The following PTPRD variants were observed in gnomAD, a reference collection of about 807,000 sequenced individuals.
PTPRD encodes the protein receptor-type tyrosine-protein phosphatase delta.
Under a neutral mutation model 214.5 loss-of-function variants are expected in PTPRD, and 34 were observed. That is an observed-to-expected ratio of 0.16 (90% confidence interval 0.12 to 0.21). PTPRD has a LOEUF of 0.21. Among genes scored for constraint, PTPRD ranks in the 10% least tolerant of loss-of-function variants. PTPRD has a pLI of 1.00. For synonymous variants in PTPRD, 1,128 were observed against 845.7 expected (o/e 1.33, Z -5.79); for missense variants, 2,545 against 2,398.7 (o/e 1.06, Z -1.27).
chr9:9,349,861 C>A (rs917488532), intron 9 of PTPRD, among the ~76,000 whole-genome samples: 1 of 151,940 alleles, frequency 6.6e-6, no homozygotes, highest in Non-Finnish European at 1.5e-5. Flanking sequence ...TATCCAGAAC[C>A]CTAGTCCATT....
At chr9:9,121,187 G>C (rs911716282) in intron 10 of PTPRD, among the ~76,000 whole-genome samples, 3 of 152,144 alleles carry the variant, frequency 2.0e-5, no homozygotes, top group African/African-American at 7.2e-5. Context: ...TTATGGAAAT[G>C]TGACAAAAAG....
At chr9:9,646,302 G>GGTGTGTGTGTGTGTGGGTGTGTGTGT (rs1463059977) in intron 7 of PTPRD, among the ~76,000 whole-genome samples, 21 of 142,400 alleles carry the variant, frequency 1.5e-4, no homozygotes, top group Admixed American at 8.3e-4. Flanking sequence ...TTTTGGGAGG[G>GGTGTGTGTGTGTGTGGGTGTGTGTGT]GTGTGTGTGT....
rs536584705 is a variant in PTPRD, at chr9:8,937,417, C to T, written c.-104+81280G>A. Among the ~76,000 whole-genome samples the T allele has an allele frequency of 4.2e-3, 644 of 152,230 alleles. 6 individuals are homozygous for T. The highest frequency in any genetic ancestry group is 4.2e-3 in the Non-Finnish European group (283 of 68,012). On this transcript the variant is annotated intron_variant, in intron 11 of 45. Coordinates refer to ENST00000381196, the MANE Select transcript of PTPRD (RefSeq NM_002839.4). ...AAGCAGAGATTAGGGTTTCAAATTA[C>T]CTATAATCTGCATTCATAAGTGCTC... is the stretch of plus-strand genomic sequence containing the variant.
chr9:9,908,124 GA>G (rs2078125531), intron 5 of PTPRD, among the ~76,000 whole-genome samples: 2 of 150,662 alleles, frequency 1.3e-5, no homozygotes, highest in East Asian at 1.9e-4. Flanking sequence ...AAAATTAACA[GA>G]AAAAAAAGTA....
intron 3 of PTPRD, among the ~76,000 whole-genome samples, chr9:10,220,034 A>G (rs2099560755): frequency 6.6e-6 from 1 of 151,900 alleles, no homozygotes; most frequent in African/African-American, 2.4e-5. Flanking sequence ...AGGTTTACAC[A>G]CACAGAATAA....
intron 10 of PTPRD, among the ~76,000 whole-genome samples, chr9:9,151,622 G>A (rs1437504334): frequency 3.3e-5 from 5 of 152,148 alleles, no homozygotes; most frequent in Admixed American, 2.6e-4. Flanking sequence ...TTTTCTTTGA[G>A]AAACCCATCT....
chr9:10,210,092 C>G (rs1423660920), intron 3 of PTPRD, among the ~76,000 whole-genome samples: 2 of 152,016 alleles, frequency 1.3e-5, no homozygotes, highest in Non-Finnish European at 2.9e-5. Context: ...ATAAGGAAAA[C>G]TATTCATTTC....
At chr9:8,918,185 T>C (rs1244387679) in intron 11 of PTPRD, among the ~76,000 whole-genome samples, 1 of 152,126 alleles carries the variant, frequency 6.6e-6, no homozygotes, top group Non-Finnish European at 1.5e-5. Flanking sequence ...CACACTGCAT[T>C]AAGTGGCCAC....
intron 2 of PTPRD, among the ~76,000 whole-genome samples, chr9:10,520,989 C>G (rs2052046410): frequency 6.6e-6 from 1 of 151,352 alleles, no homozygotes; most frequent in African/African-American, 2.4e-5. Flanking sequence ...CAACATGTAG[C>G]CTATGGATCA....
At chr9:9,912,775 T>C (rs916718863) in intron 5 of PTPRD, among the ~76,000 whole-genome samples, 5 of 152,204 alleles carry the variant, frequency 3.3e-5, no homozygotes, top group African/African-American at 1.2e-4. Flanking sequence ...TATCCAGATG[T>C]AAAGATTTTT....
chr9:10,047,636 A>G (rs982475599), intron 3 of PTPRD, among the ~76,000 whole-genome samples: 1 of 152,072 alleles, frequency 6.6e-6, no homozygotes, highest in South Asian at 2.1e-4. Context: ...TGTTGACTCT[A>G]TAACTATGTA....
At chr9:8,336,483 T>TAAAAACCCCTA (rs200451219) in intron 43 of PTPRD, among the ~76,000 whole-genome samples, 1 of 140,928 alleles carries the variant, frequency 7.1e-6, no homozygotes, top group Non-Finnish European at 1.5e-5. Context: ...TGTAAAATGA[T>TAAAAACCCCTA]GAAAACCCCT....
intron 8 of PTPRD, among the ~76,000 whole-genome samples, chr9:9,431,367 C>T (rs1167847868): frequency 6.6e-6 from 1 of 152,108 alleles, no homozygotes; most frequent in Non-Finnish European, 1.5e-5. Context: ...CCATCTCACA[C>T]CAGTTAGAAT....
chr9:9,839,131 TG>T (rs2057642565), intron 5 of PTPRD, among the ~76,000 whole-genome samples: 2 of 152,218 alleles, frequency 1.3e-5, no homozygotes, highest in Admixed American at 1.3e-4. Context: ...TCTATATCTC[TG>T]TTTTGGTACC....
At chr9:8,859,509 C>A (rs941621335) in intron 11 of PTPRD, among the ~76,000 whole-genome samples, 2 of 152,226 alleles carry the variant, frequency 1.3e-5, no homozygotes, top group Non-Finnish European at 2.9e-5. Context: ...GCTCACCAGC[C>A]ACCTCCATTG....
chr9:9,128,530 G>T (rs2099837647), intron 10 of PTPRD, among the ~76,000 whole-genome samples: 1 of 152,168 alleles, frequency 6.6e-6, no homozygotes, highest in Non-Finnish European at 1.5e-5. Flanking sequence ...ATGATACAAG[G>T]CTAACATGAC....
At chr9:8,400,370 A>C (rs2092171863) in intron 36 of PTPRD, among the ~76,000 whole-genome samples, 1 of 152,212 alleles carries the variant, frequency 6.6e-6, no homozygotes, top group South Asian at 2.1e-4. Flanking sequence ...GTTTACATGT[A>C]CTTGACATTT....
rs1407966388 is a variant in PTPRD, at chr9:9,441,411, G to C, written c.-236-43929C>G. On this transcript the variant is annotated intron_variant, in intron 8 of 45. Transcript: ENST00000381196. ...GCTAGACAAAAGAAAAAGTATGTCT[G>C]AAATTCTCTATTGGAAAGATAATGC... 2.6e-5 allele frequency among the ~76,000 whole-genome samples: 4 copies of C among 152,202 alleles called. No homozygotes were observed. In the East Asian group the frequency reaches 7.7e-4, roughly 29 times the overall value.
intron 5 of PTPRD, among the ~76,000 whole-genome samples, chr9:9,836,837 C>G (rs2056897240): frequency 6.6e-6 from 1 of 152,038 alleles, no homozygotes; most frequent in South Asian, 2.1e-4. Flanking sequence ...AGATATATAG[C>G]AAATACCATG....
Sources: gnomAD v4.1 joint callset for allele counts (sites outside exome capture counted in the v4.1 genomes callset) on GRCh38, gnomAD v4.1.1 for gene constraint, MANE v1.5 for transcripts, NCBI Gene and HGNC (gene_info 2026-07-23, HGNC 2026-07-21) for gene names.